Variants in SART3 observed in about 807,000 individuals in gnomAD.
SART3 encodes the protein HIV-1 Tat-interacting protein of 110kDa.
Under a neutral mutation model 122.3 loss-of-function variants are expected in SART3, and 44 were observed. That is an observed-to-expected ratio of 0.36 (90% CI 0.28 to 0.46). The LOEUF is 0.46. SART3 is among the 20% of genes least tolerant of loss of function. The pLI is 1.00. For missense variants in SART3, 1,101 were observed against 1,229.0 expected (o/e 0.90, Z 1.56); for synonymous variants, 442 against 454.0 (o/e 0.97, Z 0.34).
chr12:108,524,617 A>G (rs1872281984), intron 17 of SART3, 111 bp from the exon 18 acceptor site: 1 of 924,782 alleles, frequency 1.1e-6, no homozygotes, highest in Non-Finnish European at 1.7e-6. Context: ...ACCAGGCCAC[A>G]GCAAACGACC....
chr12:108,544,551 A>G (rs1342786751), intron 4 of SART3, 73 bp from the exon 5 acceptor site: 2 of 1,601,298 alleles, frequency 1.2e-6, no homozygotes, highest in East Asian at 4.5e-5. Flanking sequence ...GCAAATTAGT[A>G]GTAAATGACA....
chr12:108,549,293 C>A, intron 1 of SART3, 79 bp from the exon 2 acceptor site: 1 of 1,437,056 alleles, frequency 7.0e-7, no homozygotes, highest in South Asian at 1.2e-5. Context: ...GGTAACTACA[C>A]ATATACCTGC....
chr12:108,526,557 C>T lies in SART3; in HGVS notation c.1916-4G>A, dbSNP rs1002660160. ...CTTCTGCGTTTGGAAGGCTGCTCTA[C>T]AGGTTTTCAAAAGAAAAGTAGCCAT... On this transcript the variant is annotated splice_region_variant and splice_polypyrimidine_tract_variant and intron_variant, in intron 15 of 18. Transcript: ENST00000546815. 2 of 1,613,314 alleles carry T rather than the reference C, an allele frequency of 1.2e-6. No homozygotes were observed. Among genetic ancestry groups the T allele is most frequent in the African/African-American group, 2.7e-5 (2 of 74,932 alleles).
Position 108,531,235 on chromosome 12 carries a change from C to T in SART3, c.1715G>A (p.Arg572Gln), listed in dbSNP as rs1349043518. 5.0e-6 allele frequency: 8 copies of T among 1,614,000 alleles called. No homozygotes were observed. The Admixed American group carries it at 6.7e-5, about 13-fold the overall frequency. Residue 572 changes from arginine to glutamine, a missense_variant, in exon 14 of 19, where the codon CGA (arginine) becomes CAA (glutamine). Physicochemically the swap from Arg to Gln is conservative, Grantham distance 43. Coordinates refer to ENST00000546815, the MANE Select transcript of SART3 (RefSeq NM_014706.4). ...TCTCTGCTCATTGACACGAGCTAAT[C>T]GGGTTTCAGTTTTCTGAACAGCTAT... ...WDIAVQKTETRLARVNEQRMK... is the reference protein window; with the variant it reads ...WDIAVQKTETQLARVNEQRMK...
intron 1 of SART3, among the ~76,000 whole-genome samples, chr12:108,555,892 A>G (rs1191710219): frequency 6.6e-6 from 1 of 152,216 alleles, no homozygotes; most frequent in African/African-American, 2.4e-5. Flanking sequence ...AGCAGGTAGG[A>G]GGATTTGTCT....
intron 11 of SART3, chr12:108,535,681 T>C (rs1028550462): frequency 1.7e-6 from 1 of 582,252 alleles, no homozygotes; most frequent in Non-Finnish European, 3.2e-6. Flanking sequence ...TACCTATGTT[T>C]CCTGAGAACC....
intron 15 of SART3, among the ~76,000 whole-genome samples, chr12:108,526,996 GT>G (rs1421752606): frequency 6.6e-6 from 1 of 152,206 alleles, no homozygotes; most frequent in Non-Finnish European, 1.5e-5. Context: ...AGGATCTGTG[GT>G]TTCTAAAACA....
At chr12:108,537,090 C>A (rs1872941945) in intron 9 of SART3, 1 of 462,794 alleles carries the variant, frequency 2.2e-6, no homozygotes, top group Admixed American at 3.4e-5. Flanking sequence ...GAGGTGACAG[C>A]TGACATGAGT....
intron 18 of SART3, 35 bp downstream of exon 18, chr12:108,524,281 C>G: frequency 6.3e-6 from 10 of 1,582,682 alleles, no homozygotes; most frequent in South Asian, 2.2e-5. Flanking sequence ...CCAGCCAGGA[C>G]GAAGTTTGCA....
chr12:108,536,957 A>G, intron 9 of SART3, 172 bp from the exon 10 acceptor site: 1 of 661,974 alleles, frequency 1.5e-6, no homozygotes, highest in Non-Finnish European at 2.7e-6. Flanking sequence ...GGAGAAAGAA[A>G]TTTGAACAGA....
At chr12:108,530,421 G>A (rs925978850) in intron 14 of SART3, 111 bp from the exon 15 acceptor site, 12 of 1,269,206 alleles carry the variant, frequency 9.5e-6, no homozygotes, top group Non-Finnish European at 1.3e-5. Flanking sequence ...GAAAAGCAGA[G>A]ATCAGGAGAA....
rs1037102997 is a variant in SART3 at position 108,526,126 on chromosome 12, C to G, written c.2343G>C (p.Val781=). Residue 781 remains valine, a synonymous_variant, in exon 16 of 19, where the codon GTG becomes GTC. Coordinates refer to ENST00000546815, the MANE Select transcript of SART3 (RefSeq NM_014706.4). ...EGRPMFVSPC[V]DKSKNPDFKV... ...TAAAATCGGGGTTTTTGCTCTTATC[C>G]ACACAGGGGGAAACAAACATTGGCC... is the stretch of plus-strand genomic sequence containing the variant. The G allele has an allele frequency of 9.9e-6, 16 of 1,614,014 alleles. No homozygotes were observed. The highest frequency in any genetic ancestry group is 1.4e-5 in the Non-Finnish European group (16 of 1,180,008).
chr12:108,540,179 A>C (rs1873094136), intron 6 of SART3, among the ~76,000 whole-genome samples: 1 of 152,224 alleles, frequency 6.6e-6, no homozygotes, highest in Non-Finnish European at 1.5e-5. Flanking sequence ...CAAAAAAGTG[A>C]CTACCTCTGA....
chr12:108,560,879 C>A lies in SART3; in HGVS notation c.276G>T (p.Glu92Asp). ...EYEWEYDEEE[E>D]KNQLEIERLE... ...GTCTCTCAATCTCCAGCTGGTTTTT[C>A]TCCTCCTCTTCGTCATATTCCCACT... is the stretch of plus-strand genomic sequence containing the variant. The change falls in exon 1 of 19, where the codon GAG becomes GAT. Residue 92 changes from glutamate to aspartate, a missense_variant. Glu to Asp is a conservative substitution (Grantham distance 45). Transcript: ENST00000546815. The A allele has an allele frequency of 6.2e-7, 1 of 1,605,222 alleles. No individual in the cohort carries two copies. Among genetic ancestry groups the A allele is most frequent in the Non-Finnish European group, 8.5e-7 (1 of 1,173,384 alleles).
In SART3 at chr12:108,538,954, T is replaced by C; in HGVS notation, c.1042A>G (p.Ile348Val). 6.2e-7 allele frequency: 1 copy of C among 1,614,182 alleles called. No homozygotes were observed. Among genetic ancestry groups the C allele is most frequent in the Non-Finnish European group, 8.5e-7 (1 of 1,180,024 alleles). Residue 348 changes from isoleucine to valine, a missense_variant, in exon 7 of 19, where the codon ATC (isoleucine) becomes GTC (valine). By Grantham distance (29) the Ile-to-Val change is conservative. Coordinates refer to ENST00000546815, the MANE Select transcript of SART3 (RefSeq NM_014706.4). ...VENCLVPDLW[I>V]RYSQYLDRQL... ...CTTACTAGGTACTGACTGTAACGGATCCATAAGTCTGGGACAAGGCAGTTC... is the reference window on the plus strand; with the variant it reads ...CTTACTAGGTACTGACTGTAACGGACCCATAAGTCTGGGACAAGGCAGTTC...
intron 6 of SART3, among the ~76,000 whole-genome samples, chr12:108,541,235 C>T (rs1421096786): frequency 6.6e-6 from 1 of 151,884 alleles, no homozygotes; most frequent in African/African-American, 2.4e-5. Context: ...GGCGAAACCC[C>T]GTCTCTACTA....
chr12:108,528,590 G>C (rs1356199914), intron 15 of SART3, among the ~76,000 whole-genome samples: 1 of 152,120 alleles, frequency 6.6e-6, no homozygotes, highest in African/African-American at 2.4e-5. Flanking sequence ...AAGAAGACAG[G>C]CAGGCATGGG....
intron 15 of SART3, among the ~76,000 whole-genome samples, chr12:108,527,583 T>G (rs964167942): frequency 6.6e-5 from 10 of 152,170 alleles, no homozygotes; most frequent in African/African-American, 2.4e-4. Flanking sequence ...TTTGCCTTAT[T>G]CTGCCAAACT....
At position 108,523,365 on chromosome 12, in the gene SART3, C is replaced by G; in HGVS notation, c.*92G>C. 7 of 1,364,332 alleles carry G rather than the reference C, an allele frequency of 5.1e-6. No homozygotes were observed. Among genetic ancestry groups the G allele is most frequent in the Non-Finnish European group, 7.3e-6 (7 of 954,718 alleles). 84.5% of individuals were successfully genotyped at this position (1,364,332 alleles called of 1,614,324 possible). On this transcript the variant is annotated 3_prime_UTR_variant, in exon 19 of 19. Coordinates refer to ENST00000546815, the MANE Select transcript of SART3 (RefSeq NM_014706.4). ...TCTGTGGTTGCGAGCACGCAGCACA[C>G]CAGGCCTGTCCATCCCCAGTGCACT...
Sources: gnomAD v4.1 joint callset for allele counts (sites outside exome capture counted in the v4.1 genomes callset) on GRCh38, gnomAD v4.1.1 for gene constraint, MANE v1.5 for transcripts, NCBI Gene and HGNC (gene_info 2026-07-23, HGNC 2026-07-21) for gene names.